Variants in STPG2 observed in about 807,000 individuals in gnomAD.
STPG2 encodes sperm-tail PG-rich repeat-containing protein 2.
In STPG2, 56 loss-of-function variants were observed where a neutral mutation model predicts 54.2. The observed-to-expected ratio is 1.03, with a 90% CI of 0.83 to 1.29. The LOEUF (loss-of-function observed/expected upper bound fraction) is 1.29, where lower values mean the gene tolerates loss of function less well. Among genes scored for constraint, STPG2 ranks in the 50% most tolerant of loss-of-function variants. STPG2 has a pLI of 0.00. For synonymous variants in STPG2, 200 were observed against 181.8 expected, an observed-to-expected ratio of 1.10 and a Z score of -0.81; for missense variants, 596 against 544.9, an observed-to-expected ratio of 1.09 and a Z score of -0.93.
chr4:97,555,274 A>G (rs2148870031), downstream of STPG2, among the ~76,000 whole-genome samples: 1 of 152,216 alleles, frequency 6.6e-6, no homozygotes, highest in African/African-American at 2.4e-5. Context: ...TCTTTGGGTT[A>G]TTTCCCATGT....
intron 8 of STPG2, among the ~76,000 whole-genome samples, chr4:97,865,865 T>C (rs950839913): frequency 1.3e-5 from 2 of 151,518 alleles, no homozygotes; most frequent in African/African-American, 2.4e-5. Flanking sequence ...TATATATATA[T>C]TTAAAAAAGA....
intron 5 of STPG2, among the ~76,000 whole-genome samples, chr4:98,083,709 A>G (rs1738419483): frequency 6.6e-6 from 1 of 152,240 alleles, no homozygotes; most frequent in Admixed American, 6.5e-5. Context: ...ATTTACATAC[A>G]GCACAAATGT....
intron 4 of STPG2, among the ~76,000 whole-genome samples, chr4:97,462,380 A>G (rs1729685018): frequency 6.6e-6 from 1 of 152,018 alleles, no homozygotes; most frequent in Non-Finnish European, 1.5e-5. Context: ...TCTCATTATC[A>G]AATTCTATAT....
chr4:97,539,737 C>A (rs1038459867), intron 4 of STPG2, among the ~76,000 whole-genome samples: 2 of 152,138 alleles, frequency 1.3e-5, no homozygotes, highest in Non-Finnish European at 2.9e-5. Flanking sequence ...CACCACAAAT[C>A]AACAGAATAT....
At chr4:97,452,483 C>T (rs1472419456) in intron 4 of STPG2, among the ~76,000 whole-genome samples, 1 of 152,138 alleles carries the variant, frequency 6.6e-6, no homozygotes, top group Non-Finnish European at 1.5e-5. Flanking sequence ...TCTGGGCTTG[C>T]CCATGGCTGC....
intron 9 of STPG2, among the ~76,000 whole-genome samples, chr4:97,741,298 C>T (rs184281500): frequency 6.6e-6 from 1 of 152,148 alleles, no homozygotes; most frequent in African/African-American, 2.4e-5. Context: ...AGGATATAGG[C>T]ATGGGCAAGT....
At chr4:98,009,908 A>T (rs1446835312) in intron 5 of STPG2, among the ~76,000 whole-genome samples, 1 of 152,014 alleles carries the variant, frequency 6.6e-6, no homozygotes, top group African/African-American at 2.4e-5. Flanking sequence ...GTTATTCATA[A>T]TAACCTCTAA....
chr4:97,669,798 G>A (rs1159616020), intron 10 of STPG2, among the ~76,000 whole-genome samples: 1 of 24,198 alleles, frequency 4.1e-5, no homozygotes, highest in Non-Finnish European at 7.2e-5. Context: ...GCGAGACTCC[G>A]TCTCAAAAAA....
intron 9 of STPG2, among the ~76,000 whole-genome samples, chr4:97,813,675 CTTAAAAAAAAA>C (rs1727812531): frequency 2.7e-5 from 1 of 36,546 alleles, no homozygotes; most frequent in African/African-American, 1.1e-4. Context: ...GACCCTGTCT[CTTAAAAAAAAA>C]AAAAAAAAAA....
At chr4:97,890,796 CA>C (rs1730739948) in intron 8 of STPG2, among the ~76,000 whole-genome samples, 4 of 151,704 alleles carry the variant, frequency 2.6e-5, no homozygotes, top group African/African-American at 7.3e-5. Flanking sequence ...CATATGCCCC[CA>C]AAATATGTGC....
intron 3 of STPG2, among the ~76,000 whole-genome samples, chr4:98,122,595 GGAT>G (rs1739710354): frequency 6.6e-6 from 1 of 152,108 alleles, no homozygotes; most frequent in South Asian, 2.1e-4. Context: ...TATTTTTTGA[GGAT>G]TTTTTGCATC....
intron 4 of STPG2, among the ~76,000 whole-genome samples, chr4:97,466,352 T>G (rs550548730): frequency 6.6e-6 from 1 of 152,098 alleles, no homozygotes; most frequent in Admixed American, 6.6e-5. Context: ...CAGTTAACTC[T>G]TAGTGATAAT....
intron 9 of STPG2, among the ~76,000 whole-genome samples, chr4:97,785,120 T>A (rs1223993828): frequency 6.6e-6 from 1 of 152,070 alleles, no homozygotes; most frequent in African/African-American, 2.4e-5. Context: ...AAAAGCAGCA[T>A]AATTTTACTA....
At chr4:97,494,169 CTA>C (rs1224478942) in intron 4 of STPG2, among the ~76,000 whole-genome samples, 1 of 151,452 alleles carries the variant, frequency 6.6e-6, no homozygotes, top group Non-Finnish European at 1.5e-5. Flanking sequence ...TCTAGAAAAC[CTA>C]TGAGGTTTTA....
chr4:98,013,501 G>A (rs1028819451), intron 5 of STPG2, among the ~76,000 whole-genome samples: 2 of 150,956 alleles, frequency 1.3e-5, no homozygotes, highest in South Asian at 4.2e-4. Flanking sequence ...CAACTGTTTG[G>A]AATAGTTTCA....
In STPG2 at chr4:98,109,372, T is replaced by C. The variant is rs1739281299; in HGVS notation, c.388-67A>G. ...TTTAAATAAGTCATGAAACAATGTT[T>C]GGCTTTACCTAAGTCTAAATCTAAA... On this transcript the variant is annotated intron_variant, in intron 3 of 10. Coordinates refer to ENST00000295268, the MANE Select transcript of STPG2 (RefSeq NM_174952.3). 5 of 1,205,470 alleles carry C rather than the reference T, an allele frequency of 4.1e-6. No individual in the cohort carries two copies. In the South Asian group the frequency reaches 7.3e-5, roughly 18 times the overall value. 74.7% of individuals were successfully genotyped at this position (1,205,470 alleles called of 1,614,324 possible). A position where few individuals can be genotyped will look rare whatever the true frequency, so the allele number is the denominator to read the frequency against.
intron 8 of STPG2, among the ~76,000 whole-genome samples, chr4:97,848,881 C>G (rs530125707): frequency 4.2e-4 from 63 of 150,448 alleles, no homozygotes; most frequent in African/African-American, 1.4e-3. Flanking sequence ...GTACCAGTAC[C>G]ATGCTGTTTT....
intron 6 of STPG2, among the ~76,000 whole-genome samples, chr4:97,973,916 G>A (rs913774094): frequency 5.3e-5 from 8 of 152,278 alleles, no homozygotes; most frequent in African/African-American, 1.9e-4. Flanking sequence ...AGTCCCTTTT[G>A]GGGCACCACC....
At chr4:97,562,566 T>C (rs952280965) in intron 10 of STPG2, among the ~76,000 whole-genome samples, 3 of 152,192 alleles carry the variant, frequency 2.0e-5, no homozygotes, top group South Asian at 4.1e-4. Flanking sequence ...CAGTATGATA[T>C]TGGCTGTGGG....
Sources: allele counts gnomAD v4.1 joint callset (sites outside exome capture counted in the v4.1 genomes callset), GRCh38; gene constraint gnomAD v4.1.1; transcripts MANE v1.5; gene names NCBI Gene and HGNC (gene_info 2026-07-23, HGNC 2026-07-21).